TBC1D16: variants seen among roughly 807,000 people sequenced by gnomAD.
TBC1D16 encodes TBC1 domain family member 16.
A neutral mutation model predicts 74.7 loss-of-function variants in TBC1D16; 58 were observed. The observed-to-expected ratio is 0.78, with a 90% CI of 0.63 to 0.97. The LOEUF is 0.97. Ranked by LOEUF, TBC1D16 falls within the 50% of genes least tolerant of loss-of-function variation. The pLI is 0.00. For missense variants in TBC1D16, 1,014 were observed against 1,079.5 expected (o/e 0.94, Z 0.85); for synonymous variants, 493 against 474.7 (o/e 1.04, Z -0.50).
chr17:79,984,361 G>A (rs1295480754), intron 3 of TBC1D16, among the ~76,000 whole-genome samples: 1 of 152,086 alleles, frequency 6.6e-6, no homozygotes, highest in East Asian at 1.9e-4. Context: ...CAGCCTGCCT[G>A]TCTACAACTC....
chr17:80,033,158 T>A (rs1295649950), intron 1 of TBC1D16, among the ~76,000 whole-genome samples: 1 of 152,210 alleles, frequency 6.6e-6, no homozygotes, highest in Non-Finnish European at 1.5e-5. Context: ...CAAATAACGG[T>A]CATTAATAAC....
intron 2 of TBC1D16, among the ~76,000 whole-genome samples, chr17:80,013,000 G>C: frequency 6.6e-6 from 1 of 152,212 alleles, no homozygotes; most frequent in Non-Finnish European, 1.5e-5. Context: ...AGGCCTGCTG[G>C]GGCCCTGGCC....
rs915597984 is a variant in TBC1D16 at position 79,954,930 on chromosome 17, C to T, written c.780-2112G>A. On this transcript the variant is annotated intron_variant, in intron 3 of 11. Coordinates refer to ENST00000310924, the MANE Select transcript of TBC1D16 (RefSeq NM_019020.4). This position sits in a 1 kb window ranked among gnomAD's most constrained non-coding sequence, Gnocchi z 5.5. ...CAAGGTTTCCAGAAACCAGACAGAA[C>T]ACAGAGACTCGCTTTGGCAGTCACG... is the stretch of plus-strand genomic sequence containing the variant. 1.3e-5 allele frequency among the ~76,000 whole-genome samples: 2 copies of T among 152,170 alleles called. No individual in the cohort carries two copies. The highest frequency in any genetic ancestry group is 4.8e-5 in the African/African-American group (2 of 41,430).
chr17:79,933,210 T>C lies in TBC1D16; in HGVS notation c.*7649A>G, dbSNP rs4476208. On this transcript the variant is annotated 3_prime_UTR_variant, in exon 12 of 12. Coordinates refer to ENST00000310924, the MANE Select transcript of TBC1D16 (RefSeq NM_019020.4). ...CATGGAAGTGGCCACAGGTCTGGAC[T>C]TCTCTGGGTGGATGTGAGGGAGGGT... The C allele has an allele frequency of 0.3, 45,720 of 151,880 alleles. 7,126 individuals are homozygous for C. Among genetic ancestry groups the C allele is most frequent in the East Asian group, 0.42 (2,142 of 5,138 alleles). 9.4% of individuals were successfully genotyped at this position (151,880 alleles called of 1,614,324 possible). A position where few individuals can be genotyped will look rare whatever the true frequency, so the allele number is the denominator to read the frequency against.
intron 3 of TBC1D16, among the ~76,000 whole-genome samples, chr17:79,958,280 C>A (rs2033437952): frequency 6.7e-6 from 1 of 148,656 alleles, no homozygotes; most frequent in African/African-American, 2.5e-5. Context: ...AATGCAATGG[C>A]AAGATCTCGG....
chr17:80,022,867 T>C (rs984615180), intron 1 of TBC1D16, among the ~76,000 whole-genome samples: 2 of 149,636 alleles, frequency 1.3e-5, no homozygotes, highest in Non-Finnish European at 2.9e-5. Flanking sequence ...ACTCCTGACC[T>C]CAGGTGATCC....
chr17:80,017,961 C>A (rs547967110), intron 1 of TBC1D16, among the ~76,000 whole-genome samples: 6 of 152,058 alleles, frequency 3.9e-5, no homozygotes, highest in Admixed American at 3.9e-4. Flanking sequence ...CTGCAAACTA[C>A]AAATCAAAAA....
intron 1 of TBC1D16, among the ~76,000 whole-genome samples, chr17:80,030,872 C>T (rs1409168315): frequency 1.3e-5 from 2 of 152,228 alleles, no homozygotes; most frequent in South Asian, 4.1e-4. Context: ...GCACTGAGCC[C>T]GGTCACCTGG....
chr17:79,957,862 A>G (rs937786049), intron 3 of TBC1D16, among the ~76,000 whole-genome samples: 1 of 152,088 alleles, frequency 6.6e-6, no homozygotes, highest in African/African-American at 2.4e-5. Context: ...CTATTAAAAA[A>G]AAAAAACCAA....
chr17:79,943,853 T>C lies in TBC1D16; in HGVS notation c.1908+1055A>G. 3 of 1,384,924 alleles carry C rather than the reference T, an allele frequency of 2.2e-6. No homozygotes were observed. In the South Asian group the frequency reaches 4.5e-5, roughly 21 times the overall value. The allele number at this position is 1,384,924 out of a possible 1,614,324, so 85.8% of individuals were successfully genotyped here. A position where few individuals can be genotyped will look rare whatever the true frequency, so the allele number is the denominator to read the frequency against. On this transcript the variant is annotated intron_variant, in intron 10 of 11. Coordinates refer to ENST00000310924, the MANE Select transcript of TBC1D16 (RefSeq NM_019020.4). ...CGTAAAGGAATGAGGGCGGCAAATC[T>C]GCCACTGGGAAAACGTGCAATGAGG...
chr17:80,030,539 T>G (rs1028812062), intron 1 of TBC1D16, among the ~76,000 whole-genome samples: 1 of 152,150 alleles, frequency 6.6e-6, no homozygotes, highest in Non-Finnish European at 1.5e-5. Flanking sequence ...TGCAAAAGTC[T>G]CTTCCAGAAC....
intron 1 of TBC1D16, among the ~76,000 whole-genome samples, chr17:80,015,880 A>G (rs569585765): frequency 9.2e-5 from 14 of 152,070 alleles, no homozygotes; most frequent in East Asian, 3.9e-4. Context: ...GTGTGGTGGC[A>G]TGTGCCTGTA....
intron 3 of TBC1D16, among the ~76,000 whole-genome samples, chr17:80,005,976 TCCA>T (rs2035659171): frequency 6.6e-6 from 1 of 152,012 alleles, no homozygotes; most frequent in Non-Finnish European, 1.5e-5. Context: ...GTTCTTCAGA[TCCA>T]CCACTAGAGG....
chr17:79,954,626 C>T lies in TBC1D16; in HGVS notation c.780-1808G>A, dbSNP rs938367360. Among the ~76,000 whole-genome samples, 2 of 152,152 alleles carry T rather than the reference C, an allele frequency of 1.3e-5. No homozygotes were observed. The highest frequency in any genetic ancestry group is 1.9e-4 in the East Asian group (1 of 5,180). On this transcript the variant is annotated intron_variant, in intron 3 of 11. Coordinates refer to ENST00000310924, the MANE Select transcript of TBC1D16 (RefSeq NM_019020.4). This position sits in a 1 kb window ranked among gnomAD's most constrained non-coding sequence, Gnocchi z 5.5. ...CCCTGCGGGAGCTGCGCTTCAGAATCGTTGCTCACAACACAGGGCAGGTCT... is the reference window on the plus strand; with the variant it reads ...CCCTGCGGGAGCTGCGCTTCAGAATTGTTGCTCACAACACAGGGCAGGTCT...
chr17:79,945,420 G>T (rs377451991), intron 9 of TBC1D16, among the ~76,000 whole-genome samples: 1 of 152,166 alleles, frequency 6.6e-6, no homozygotes, highest in Non-Finnish European at 1.5e-5. Flanking sequence ...CACACTTGGG[G>T]GCTGTTTCCC....
At chr17:79,945,490 G>A (rs34507713) in intron 9 of TBC1D16, among the ~76,000 whole-genome samples, 27,976 of 151,998 alleles carry the variant, frequency 0.18, 2,613 homozygotes, top group Non-Finnish European at 0.21. Flanking sequence ...ACCCCTCTTC[G>A]GCTACGCTCA....
At chr17:80,023,018 C>T (rs908668548) in intron 1 of TBC1D16, among the ~76,000 whole-genome samples, 3 of 150,076 alleles carry the variant, frequency 2.0e-5, no homozygotes, top group African/African-American at 7.6e-5. Flanking sequence ...GTTTGGCCCA[C>T]CTCATGGTCC....
chr17:79,971,619 C>T lies in TBC1D16; in HGVS notation c.780-18801G>A, dbSNP rs994701851. Among the ~76,000 whole-genome samples, 6 of 152,272 alleles carry T rather than the reference C, an allele frequency of 3.9e-5. No individual in the cohort carries two copies. The highest frequency in any genetic ancestry group is 1.9e-4 in the East Asian group (1 of 5,186). Reference sequence around the variant, plus strand: ...GCAATTAGAAAAGAAGAGTCTTTAACGTATTCTTCAACTTGACTCATAAAA... The same window carrying T: ...GCAATTAGAAAAGAAGAGTCTTTAATGTATTCTTCAACTTGACTCATAAAA... On this transcript the variant is annotated intron_variant, in intron 3 of 11. Transcript: ENST00000310924. The surrounding 1 kb of genome is among the most constrained non-coding windows in gnomAD (Gnocchi z 4.6).
rs552403241 is a variant in TBC1D16 at position 79,941,879 on chromosome 17, C to A, written c.2055+181G>T. Among the ~76,000 whole-genome samples the A allele has an allele frequency of 6.6e-6, 1 of 150,410 alleles. No homozygotes were observed. The highest frequency in any genetic ancestry group is 1.5e-5 in the Non-Finnish European group (1 of 67,934). On this transcript the variant is annotated intron_variant, in intron 11 of 11. Coordinates refer to ENST00000310924, the MANE Select transcript of TBC1D16 (RefSeq NM_019020.4). This position sits in a 1 kb window ranked among gnomAD's most constrained non-coding sequence, Gnocchi z 4.3. The stretch of plus-strand genomic sequence containing the variant: ...GCCGAGACAGGTGCTGACCACGAGG[C>A]CTTAGTGGGGAGCCCCCAGTGCTAT...
Sources: allele counts gnomAD v4.1 joint callset (sites outside exome capture counted in the v4.1 genomes callset), GRCh38; gene constraint gnomAD v4.1.1; non-coding constraint Gnocchi (gnomAD v3.1); transcripts MANE v1.5; gene names NCBI Gene and HGNC (gene_info 2026-07-23, HGNC 2026-07-21).